TFCP2L1: variants seen among roughly 807,000 people sequenced by gnomAD.
TFCP2L1 encodes the protein transcription factor CP2-like protein 1.
TFCP2L1 carries 12 observed loss-of-function variants against 72.2 expected under a neutral mutation model. The ratio of observed to expected loss-of-function variants is 0.17; its 90% confidence interval spans 0.11 to 0.27. The LOEUF (loss-of-function observed/expected upper bound fraction) is 0.27. Among genes scored for constraint, TFCP2L1 ranks in the 10% least tolerant of loss-of-function variants. The pLI is 1.00. For missense variants in TFCP2L1, 488 were observed against 624.6 expected (o/e 0.78, Z 2.33); for synonymous variants, 260 against 251.0 (o/e 1.04, Z -0.34).
At chr2:121,241,271 A>G (rs1474964284) in intron 7 of TFCP2L1, among the ~76,000 whole-genome samples, 1 of 152,234 alleles carries the variant, frequency 6.6e-6, no homozygotes, top group East Asian at 1.9e-4. Flanking sequence ...AGGTGGGCAG[A>G]TCACTTGAGG....
chr2:121,240,686 A>T, intron 7 of TFCP2L1: 1 of 985,362 alleles, frequency 1.0e-6, no homozygotes, highest in Non-Finnish European at 1.2e-6. Flanking sequence ...AGAGAGGTTG[A>T]GGCTGTTAGG....
At chr2:121,248,778 A>T (rs1490691104) in intron 4 of TFCP2L1, among the ~76,000 whole-genome samples, 1 of 152,078 alleles carries the variant, frequency 6.6e-6, no homozygotes, top group African/African-American at 2.4e-5. Context: ...AATTCCACAG[A>T]CCTTTCTTTT....
At chr2:121,243,444 C>A (rs191477764) in intron 6 of TFCP2L1, among the ~76,000 whole-genome samples, 1 of 152,146 alleles carries the variant, frequency 6.6e-6, no homozygotes, top group Admixed American at 6.5e-5. Context: ...AGACCGGTAC[C>A]GGTCCCATGC....
intron 13 of TFCP2L1, among the ~76,000 whole-genome samples, chr2:121,229,772 G>A (rs1281136836): frequency 6.6e-6 from 1 of 152,180 alleles, no homozygotes; most frequent in Admixed American, 6.5e-5. Flanking sequence ...GGAAACTGTG[G>A]CACAGAGAGG....
At chr2:121,284,753 CG>C (rs1305042646) in intron 1 of TFCP2L1, among the ~76,000 whole-genome samples, 1 of 152,138 alleles carries the variant, frequency 6.6e-6, no homozygotes, top group African/African-American at 2.4e-5. Flanking sequence ...GGGGAGGCGG[CG>C]GGCCGGCAGG....
At chr2:121,284,133 A>G (rs1459691238) in intron 1 of TFCP2L1, among the ~76,000 whole-genome samples, 2 of 152,242 alleles carry the variant, frequency 1.3e-5, no homozygotes, top group Admixed American at 1.3e-4. Context: ...AGGTAGCTCT[A>G]GTATGGGGGC....
chr2:121,275,235 T>G (rs980336978), intron 2 of TFCP2L1, among the ~76,000 whole-genome samples: 1 of 151,818 alleles, frequency 6.6e-6, no homozygotes, highest in Non-Finnish European at 1.5e-5. Flanking sequence ...ATACAAACTG[T>G]TAGCCAGGCA....
chr2:121,285,032 C>T lies in TFCP2L1; in HGVS notation c.62+16G>A, dbSNP rs1006014623. The T allele has an allele frequency of 5.4e-6, 8 of 1,481,936 alleles. No individual in the cohort carries two copies. Among genetic ancestry groups the T allele is most frequent in the Non-Finnish European group, 5.4e-6 (6 of 1,114,876 alleles). 91.8% of individuals were successfully genotyped at this position (1,481,936 alleles called of 1,614,324 possible). A position where few individuals can be genotyped will look rare whatever the true frequency, so the allele number is the denominator to read the frequency against. ...GGCCCGGCCCGAGACCCGCGGGGAC[C>T]GCGCGCGGCCCTTACCGCAGGTAGC... On this transcript the variant is annotated intron_variant, in intron 1 of 14. Transcript: ENST00000263707.
intron 2 of TFCP2L1, among the ~76,000 whole-genome samples, chr2:121,267,563 G>A (rs1185020291): frequency 1.3e-5 from 2 of 151,106 alleles, no homozygotes; most frequent in Non-Finnish European, 2.9e-5. Context: ...GCGCGATCTC[G>A]ACTCACTGCA....
chr2:121,226,122 C>T (rs111678814), intron 13 of TFCP2L1, among the ~76,000 whole-genome samples: 85 of 139,260 alleles, frequency 6.1e-4, no homozygotes, highest in African/African-American at 9.3e-4. Flanking sequence ...CACGGGAACA[C>T]GGTAAACACC....
intron 6 of TFCP2L1, among the ~76,000 whole-genome samples, chr2:121,242,735 C>T (rs1353155194): frequency 6.6e-6 from 1 of 152,176 alleles, no homozygotes; most frequent in Admixed American, 6.5e-5. Context: ...CTTGGGGACC[C>T]ACAAGGAATC....
chr2:121,243,139 G>A (rs1243269066), intron 6 of TFCP2L1, among the ~76,000 whole-genome samples: 1 of 152,220 alleles, frequency 6.6e-6, no homozygotes, highest in Non-Finnish European at 1.5e-5. Flanking sequence ...CCACCATGGG[G>A]CGCCTTCTCG....
Position 121,229,190 on chromosome 2 carries a change from T to TACA in TFCP2L1, c.1341+2633_1341+2635dup, listed in dbSNP as rs1686093166. On this transcript the variant is annotated intron_variant, in intron 13 of 14. Coordinates refer to ENST00000263707, the MANE Select transcript of TFCP2L1 (RefSeq NM_014553.3). The stretch of plus-strand genomic sequence containing the variant: ...CCTCAGCCTCCCAAAGTGCTGGGAT[T>TACA]ACAGACATGAGCCACCATGCCCGGA... 2.6e-5 allele frequency among the ~76,000 whole-genome samples: 4 copies of TACA among 152,094 alleles called. No individual in the cohort carries two copies. The South Asian group carries it at 8.3e-4, about 32-fold the overall frequency.
chr2:121,262,652 GCAGACAACAGAATTCT>G (rs1373934068), intron 2 of TFCP2L1, among the ~76,000 whole-genome samples: 1 of 152,142 alleles, frequency 6.6e-6, no homozygotes, highest in Non-Finnish European at 1.5e-5. Context: ...AAAGACTGTA[GCAGACAACAGAATTCT>G]ATCAGTGTCA....
chr2:121,226,024 CAT>C (rs773190139), intron 13 of TFCP2L1, among the ~76,000 whole-genome samples: 1 of 112,558 alleles, frequency 8.9e-6, no homozygotes, highest in African/African-American at 3.6e-5. Flanking sequence ...CCACGGTGTC[CAT>C]ACACACGGGA....
At chr2:121,276,226 C>G (rs1245177794) in intron 2 of TFCP2L1, among the ~76,000 whole-genome samples, 1 of 151,942 alleles carries the variant, frequency 6.6e-6, no homozygotes, top group African/African-American at 2.4e-5. Flanking sequence ...TGTCCCCCAC[C>G]CCCCGACAGG....
At chr2:121,230,107 G>T (rs1246966385) in intron 13 of TFCP2L1, among the ~76,000 whole-genome samples, 1 of 152,158 alleles carries the variant, frequency 6.6e-6, no homozygotes, top group East Asian at 1.9e-4. Flanking sequence ...GCTGGGGGCT[G>T]AACTGGGGGC....
Position 121,246,861 on chromosome 2 carries a change from G to A in TFCP2L1, c.614C>T (p.Thr205Met), listed in dbSNP as rs1334332370. 17 of 1,614,040 alleles carry A rather than the reference G, an allele frequency of 1.1e-5. No individual in the cohort carries two copies. The highest frequency in any genetic ancestry group is 5.0e-5 in the Admixed American group (3 of 59,994). ...TFKQNENGEY[T>M]EHLHSASCQI... ...GCAGCTGGCTGAGTGCAGGTGCTCC[G>A]TGTACTCCCCATTCTCGTTCTGCTT... The change falls in exon 6 of 15, where the codon ACG (threonine) becomes ATG (methionine). Residue 205 changes from threonine to methionine, a missense_variant. Physicochemically the swap from Thr to Met is moderately conservative, Grantham distance 81. This residue lies in a region of TFCP2L1 where 129 missense variants were observed against 236.0 expected (regional missense o/e 0.55). Coordinates refer to ENST00000263707, the MANE Select transcript of TFCP2L1 (RefSeq NM_014553.3).
intron 2 of TFCP2L1, among the ~76,000 whole-genome samples, chr2:121,265,817 C>A (rs1284299821): frequency 1.3e-5 from 2 of 151,646 alleles, no homozygotes; most frequent in Non-Finnish European, 2.9e-5. Flanking sequence ...ACACAAAACA[C>A]CTTCCTCATT....
Sources: gnomAD v4.1 joint callset for allele counts (sites outside exome capture counted in the v4.1 genomes callset) on GRCh38, gnomAD v4.1.1 for gene constraint, gnomAD v4.1.1 regional missense constraint, MANE v1.5 for transcripts, NCBI Gene and HGNC (gene_info 2026-07-23, HGNC 2026-07-21) for gene names.